ATAT1: variants seen among roughly 807,000 people sequenced by gnomAD.
The protein encoded by ATAT1 is alpha-tubulin N-acetyltransferase 1.
ATAT1 carries 42 observed loss-of-function variants against 57.2 expected under a neutral mutation model. The ratio of observed to expected loss-of-function variants is 0.73; its 90% CI spans 0.57 to 0.95. The LOEUF (loss-of-function observed/expected upper bound fraction) is 0.95. Among genes scored for constraint, ATAT1 ranks in the 40% least tolerant of loss-of-function variants. The pLI is 0.00. For synonymous variants in ATAT1, 168 were observed against 187.1 expected, an observed-to-expected ratio of 0.90 and a Z score of 0.83; for missense variants, 454 against 523.7, an observed-to-expected ratio of 0.87 and a Z score of 1.30.
At chr6:30,644,688 C>A in intron 10 of ATAT1, 2 of 943,370 alleles carry the variant, frequency 2.1e-6, no homozygotes, top group Non-Finnish European at 2.5e-6. Flanking sequence ...AAGTTGTCAG[C>A]CTCATTTGTG....
rs1761980057 is a variant in ATAT1, at chr6:30,627,741, G to A, written c.224+14G>A. ...TTCAGCCCGACCGTGAGTGCCACAT[G>A]CTCTTCCATCCCATACTTAATTCCT... On this transcript the variant is annotated intron_variant, in intron 3 of 12. Coordinates refer to ENST00000330083, the MANE Select transcript of ATAT1 (RefSeq NM_001031722.4). 1.9e-6 allele frequency: 3 copies of A among 1,610,138 alleles called. No homozygotes were observed. The African/African-American group carries it at 4.0e-5, about 22-fold the overall frequency.
At chr6:30,635,506 T>C (rs560962621) in intron 6 of ATAT1, among the ~76,000 whole-genome samples, 6 of 151,846 alleles carry the variant, frequency 4.0e-5, no homozygotes, top group Non-Finnish European at 7.4e-5. Context: ...GGACAATCAC[T>C]TGAATCTGGG....
At chr6:30,629,433 G>A (rs1762371529) in intron 6 of ATAT1, among the ~76,000 whole-genome samples, 1 of 151,694 alleles carries the variant, frequency 6.6e-6, no homozygotes, top group Non-Finnish European at 1.5e-5. Flanking sequence ...TAGTAGAGAT[G>A]GAGTTTCACC....
intron 10 of ATAT1, 160 bp downstream of exon 10, chr6:30,643,171 G>A (rs1765895103): frequency 1.4e-6 from 2 of 1,468,942 alleles, no homozygotes; most frequent in Non-Finnish European, 9.0e-7. Context: ...CAAGTGATCT[G>A]GGAAAAAAAT....
chr6:30,646,356 C>T, intron 12 of ATAT1, 113 bp from the exon 13 acceptor site: 2 of 1,448,732 alleles, frequency 1.4e-6, no homozygotes, highest in Non-Finnish European at 1.8e-6. Flanking sequence ...GTTCCAGCTT[C>T]ATACCCATCA....
rs374843762 is a variant in ATAT1, at chr6:30,627,444, T to C, written c.72-16T>C. 6.2e-7 allele frequency: 1 copy of C among 1,611,904 alleles called. No homozygotes were observed. Among genetic ancestry groups the C allele is most frequent in the African/African-American group, 1.3e-5 (1 of 74,874 alleles). On this transcript the variant is annotated splice_polypyrimidine_tract_variant and intron_variant, in intron 1 of 12. Transcript: ENST00000330083. ...TTTAGTGAGTATCTGACTCTTTATT[T>C]CTTCTCTTTCTCTAGTGTTGATCTA...
At position 30,628,377 on chromosome 6, in the gene ATAT1, A is replaced by C; in HGVS notation, c.448A>C (p.Lys150Gln). 1 of 1,613,066 alleles carries C rather than the reference A, an allele frequency of 6.2e-7. No homozygotes were observed. The highest frequency in any genetic ancestry group is 8.5e-7 in the Non-Finnish European group (1 of 1,180,034). The change falls in exon 6 of 13, where the codon AAG becomes CAG. Residue 150 changes from lysine to glutamine, a missense_variant. Physicochemically the swap from Lys to Gln is moderately conservative, Grantham distance 53. Coordinates refer to ENST00000330083, the MANE Select transcript of ATAT1 (RefSeq NM_001031722.4). ...ACTGGCAATTGACCGACCCTCACAG[A>C]AGCTGCTGAAATTCCTGAATAAGCA...
At chr6:30,646,200 T>C in intron 12 of ATAT1, 91 bp downstream of exon 12, 1 of 1,530,344 alleles carries the variant, frequency 6.5e-7, no homozygotes, top group Non-Finnish European at 8.8e-7. Context: ...TCTTAAATCT[T>C]ATTGTATGAA....
At chr6:30,628,207 A>G (rs1254301615) in intron 5 of ATAT1, 62 bp downstream of exon 5, 4 of 1,551,162 alleles carry the variant, frequency 2.6e-6, no homozygotes, top group East Asian at 2.2e-5. Context: ...GAGCCCTTCC[A>G]GAAGCCCTGC....
At position 30,642,832 on chromosome 6, in the gene ATAT1, A is replaced by AAC; in HGVS notation, c.753_754insAC (p.Ala252ThrfsTer68). On this transcript the variant is annotated frameshift_variant, in exon 10 of 13. Coordinates refer to ENST00000330083, the MANE Select transcript of ATAT1 (RefSeq NM_001031722.4). LOFTEE classifies it high-confidence loss of function. ...GGGCCCCTCGCCGCGCCACACCTCC[A>AAC]GCCCACCCACCCCCCCGCTCCAGCA... 1 of 1,230,748 alleles carries AAC rather than the reference A, an allele frequency of 8.1e-7. No homozygotes were observed. The highest frequency in any genetic ancestry group is 1.1e-6 in the Non-Finnish European group (1 of 892,690). 76.2% of individuals were successfully genotyped at this position (1,230,748 alleles called of 1,614,324 possible). A position where few individuals can be genotyped will look rare whatever the true frequency, so the allele number is the denominator to read the frequency against.
intron 6 of ATAT1, among the ~76,000 whole-genome samples, chr6:30,639,577 C>T (rs1178127463): frequency 1.3e-5 from 2 of 151,456 alleles, no homozygotes; most frequent in South Asian, 2.1e-4. Flanking sequence ...CCCGGGTTCA[C>T]GCCATTCTGC....
Position 30,642,833 on chromosome 6 carries a change from G to GGGGGGGCGCCCCCC in ATAT1, c.754_755insGGGGGGCGCCCCCC (p.Ala252GlyfsTer72). The GGGGGGGCGCCCCCC allele has an allele frequency of 3.3e-6, 5 of 1,537,872 alleles. No homozygotes were observed. Among genetic ancestry groups the GGGGGGGCGCCCCCC allele is most frequent in the Non-Finnish European group, 4.4e-6 (5 of 1,145,778 alleles). ...GGCCCCTCGCCGCGCCACACCTCCA[G>GGGGGGGCGCCCCCC]CCCACCCACCCCCCCGCTCCAGCAG... On this transcript the variant is annotated frameshift_variant, in exon 10 of 13. Transcript: ENST00000330083. LOFTEE classifies it high-confidence loss of function.
Position 30,639,971 on chromosome 6 carries a change from C to T in ATAT1, c.502-406C>T, listed in dbSNP as rs147851637. The stretch of plus-strand genomic sequence containing the variant: ...CATCATAGTGAGACCCCCATCTCTA[C>T]AAAAAGTTAAAAAAAAATTAGTAGC... On this transcript the variant is annotated intron_variant, in intron 6 of 12. Coordinates refer to ENST00000330083, the MANE Select transcript of ATAT1 (RefSeq NM_001031722.4). 2.5e-3 allele frequency among the ~76,000 whole-genome samples: 378 copies of T among 151,822 alleles called. 3 individuals are homozygous for T. The highest frequency in any genetic ancestry group is 4.5e-3 in the Admixed American group (68 of 15,236).
At chr6:30,634,542 G>A (rs1032647544) in intron 6 of ATAT1, among the ~76,000 whole-genome samples, 13 of 150,382 alleles carry the variant, frequency 8.6e-5, no homozygotes, top group African/African-American at 1.2e-4. Context: ...AGCCACCGGC[G>A]CCCAGCCAGG....
At position 30,642,821 on chromosome 6, in the gene ATAT1, G is replaced by A. The variant is rs748626954; in HGVS notation, c.742G>A (p.Ala248Thr). The change falls in exon 10 of 13, where the codon GCC becomes ACC. Residue 248 changes from alanine to threonine, a missense_variant. By Grantham distance (58) the Ala-to-Thr change is moderately conservative. This residue lies in a region of ATAT1 where 216 missense variants were observed against 222.2 expected (regional missense o/e 0.97). Coordinates refer to ENST00000330083, the MANE Select transcript of ATAT1 (RefSeq NM_001031722.4). ...GCCCCTAAACAGGGCCCCTCGCCGC[G>A]CCACACCTCCAGCCCACCCACCCCC... 1.4e-5 allele frequency: 23 copies of A among 1,610,128 alleles called. No homozygotes were observed. Among genetic ancestry groups the A allele is most frequent in the African/African-American group, 4.0e-5 (3 of 74,674 alleles).
chr6:30,629,217 A>G (rs910852307), intron 6 of ATAT1, among the ~76,000 whole-genome samples: 3 of 148,164 alleles, frequency 2.0e-5, no homozygotes, highest in Non-Finnish European at 4.5e-5. Flanking sequence ...ATTCTTTACC[A>G]CAAGTTGTTT....
chr6:30,640,713 C>G, intron 8 of ATAT1, 110 bp downstream of exon 8: 1 of 1,249,622 alleles, frequency 8.0e-7, no homozygotes, highest in Non-Finnish European at 1.1e-6. Flanking sequence ...TCTAAAGCAA[C>G]CCAAGTCTCC....
chr6:30,644,696 G>T, intron 10 of ATAT1: 1 of 917,974 alleles, frequency 1.1e-6, no homozygotes, highest in Non-Finnish European at 1.3e-6. Context: ...AGCCTCATTT[G>T]TGCGTCATCC....
Position 30,640,528 on chromosome 6 carries a change from C to G in ATAT1, c.548-7C>G. ...ACTGAGGGGCCCCGCCGCTTCCTTC[C>G]TCACAGGGCCCCCTGCTCCCTCTCT... On this transcript the variant is annotated splice_region_variant and splice_polypyrimidine_tract_variant and intron_variant, in intron 7 of 12. Transcript: ENST00000330083. The G allele has an allele frequency of 6.2e-7, 1 of 1,612,998 alleles. No individual in the cohort carries two copies. The highest frequency in any genetic ancestry group is 8.5e-7 in the Non-Finnish European group (1 of 1,179,998).
Sources: allele counts gnomAD v4.1 joint callset (sites outside exome capture counted in the v4.1 genomes callset), GRCh38; gene constraint gnomAD v4.1.1; regional missense constraint gnomAD v4.1.1; transcripts MANE v1.5; gene names NCBI Gene and HGNC (gene_info 2026-07-23, HGNC 2026-07-21).